Variants in SUMF1 observed in about 807,000 individuals in gnomAD.
SUMF1 encodes sulfatase modifying factor 1, also known as formylglycine-generating enzyme.
Under a neutral mutation model 47.6 loss-of-function variants are expected in SUMF1, and 48 were observed. The observed-to-expected ratio is 1.01, with a 90% CI of 0.80 to 1.28. The LOEUF (loss-of-function observed/expected upper bound fraction) is 1.28. SUMF1 is among the 50% of genes most tolerant of loss of function. The pLI is 0.00. For missense variants in SUMF1, 571 were observed against 485.4 expected (o/e 1.18, Z -1.66); for synonymous variants, 230 against 192.1 (o/e 1.20, Z -1.63).
rs546062909 is a variant in SUMF1 at position 4,215,986 on chromosome 3, A to G, written c.1015-147241T>C. Among the ~76,000 whole-genome samples the G allele has an allele frequency of 2.6e-5, 4 of 152,344 alleles. No homozygotes were observed. The East Asian group carries it at 7.7e-4, about 29-fold the overall frequency. On this transcript the variant is annotated intron_variant and NMD_transcript_variant, in intron 8 of 12. Coordinates refer to the SUMF1 transcript ENST00000448413. ...CTGCCCAAAGTAATTTATAGATTCAATGCTATCCCCATCAAGCTACCACTG... is the reference window on the plus strand; with the variant it reads ...CTGCCCAAAGTAATTTATAGATTCAGTGCTATCCCCATCAAGCTACCACTG...
intron 8 of SUMF1, among the ~76,000 whole-genome samples, chr3:4,175,855 G>C (rs1694948475): frequency 6.6e-6 from 1 of 151,958 alleles, no homozygotes; most frequent in Admixed American, 6.5e-5. Context: ...TGACCTGGTG[G>C]AGCTGAAAAC....
At chr3:4,194,466 C>G (rs1463032842) in intron 8 of SUMF1, among the ~76,000 whole-genome samples, 1 of 152,162 alleles carries the variant, frequency 6.6e-6, no homozygotes, top group Non-Finnish European at 1.5e-5. Context: ...AAGCCTACCC[C>G]TCAGGCAGGA....
chr3:4,154,156 G>C (rs1354130360), intron 8 of SUMF1, among the ~76,000 whole-genome samples: 2 of 151,584 alleles, frequency 1.3e-5, no homozygotes, highest in Non-Finnish European at 2.9e-5. Flanking sequence ...ACATGTGGTA[G>C]AATGTGTGGA....
At chr3:4,417,490 A>G (rs1701751847) in intron 5 of SUMF1, among the ~76,000 whole-genome samples, 1 of 152,176 alleles carries the variant, frequency 6.6e-6, no homozygotes, top group Admixed American at 6.5e-5. Context: ...AAATCACAAA[A>G]CTAAAAGAAG....
At chr3:4,386,033 G>A (rs1001210816) in intron 7 of SUMF1, among the ~76,000 whole-genome samples, 13 of 150,672 alleles carry the variant, frequency 8.6e-5, no homozygotes, top group African/African-American at 2.5e-4. Flanking sequence ...GATTACTGTA[G>A]CTAAGTAGTA....
At chr3:4,317,186 A>G (rs575772657) in intron 8 of SUMF1, 3 of 1,550,168 alleles carry the variant, frequency 1.9e-6, no homozygotes, top group Admixed American at 3.9e-5. Context: ...CTACAGGAAT[A>G]AACCAACTTA....
intron 9 of SUMF1, among the ~76,000 whole-genome samples, chr3:4,057,912 T>C (rs954886574): frequency 1.3e-5 from 2 of 152,136 alleles, no homozygotes; most frequent in South Asian, 4.1e-4. Context: ...TTTTTCTCTG[T>C]CTCTAATATA....
At chr3:4,342,458 A>T (rs794202) in intron 8 of SUMF1, among the ~76,000 whole-genome samples, 219 of 152,144 alleles carry the variant, frequency 1.4e-3, no homozygotes, top group Non-Finnish European at 2.1e-3. Context: ...GCTTGAACCC[A>T]GAAGACAAAG....
At chr3:4,374,010 A>G (rs1392991472) in intron 8 of SUMF1, among the ~76,000 whole-genome samples, 1 of 152,200 alleles carries the variant, frequency 6.6e-6, no homozygotes, top group African/African-American at 2.4e-5. Context: ...ACTCTAAAAA[A>G]TTAGCAATGG....
intron 6 of SUMF1, among the ~76,000 whole-genome samples, chr3:4,413,708 T>C (rs74731531): frequency 0.014 from 2,174 of 152,020 alleles, 42 homozygotes; most frequent in African/African-American, 0.047. Flanking sequence ...AGTCTCACTG[T>C]GGTCAAAATA....
In SUMF1 at chr3:4,034,596, A is replaced by T. The variant is rs527901698; in HGVS notation, c.1191+33973T>A. 7.2e-5 allele frequency among the ~76,000 whole-genome samples: 11 copies of T among 152,236 alleles called. No homozygotes were observed. In the South Asian group the frequency reaches 2.3e-3, roughly 32 times the overall value. ...TCTGCATTTGGTGATTCTCTCGCAA[A>T]TTCAAGTTTGAGAAACCCTTTGTAG... On this transcript the variant is annotated intron_variant and NMD_transcript_variant, in intron 9 of 12. Coordinates refer to the SUMF1 transcript ENST00000448413.
Position 4,371,855 on chromosome 3 carries a change from G to A in SUMF1, c.1014+4475C>T, listed in dbSNP as rs534778453. Among the ~76,000 whole-genome samples, 5 of 152,300 alleles carry A rather than the reference G, an allele frequency of 3.3e-5. No individual in the cohort carries two copies. In the East Asian group the frequency reaches 9.6e-4, roughly 29 times the overall value. Reference sequence around the variant, plus strand: ...TAAGGTCACATGGTTTATAAATGGTGGATCCAAGGTTCTAGCCTATTCAAT... The same window carrying A: ...TAAGGTCACATGGTTTATAAATGGTAGATCCAAGGTTCTAGCCTATTCAAT... On this transcript the variant is annotated intron_variant, in intron 8 of 8. Transcript: ENST00000272902.
intron 8 of SUMF1, among the ~76,000 whole-genome samples, chr3:4,212,462 A>C (rs13059730): frequency 0.34 from 51,106 of 152,058 alleles, 9,280 homozygotes; most frequent in Non-Finnish European, 0.42. Flanking sequence ...GGGAGAAACA[A>C]GCACAAAAAG....
intron 7 of SUMF1, among the ~76,000 whole-genome samples, chr3:4,397,176 A>T (rs1300466735): frequency 6.6e-6 from 1 of 152,224 alleles, no homozygotes; most frequent in Non-Finnish European, 1.5e-5. Context: ...GATGGATTAG[A>T]TCTAAATTAT....
intron 8 of SUMF1, among the ~76,000 whole-genome samples, chr3:4,145,500 C>G (rs1694173324): frequency 6.6e-6 from 1 of 152,072 alleles, no homozygotes; most frequent in African/African-American, 2.4e-5. Flanking sequence ...CTGGCCAAAC[C>G]AAATCTGCTT....
At chr3:4,254,788 G>C (rs1696904793) in intron 8 of SUMF1, among the ~76,000 whole-genome samples, 1 of 149,458 alleles carries the variant, frequency 6.7e-6, no homozygotes, top group Non-Finnish European at 1.5e-5. Flanking sequence ...TCCTCGAGAA[G>C]AGCAACTCCA....
chr3:4,077,115 C>T (rs1285078457), intron 8 of SUMF1, among the ~76,000 whole-genome samples: 1 of 152,124 alleles, frequency 6.6e-6, no homozygotes, highest in Non-Finnish European at 1.5e-5. Flanking sequence ...GATACCATCT[C>T]ACACCAGTTA....
chr3:4,172,242 C>T (rs1694847296), intron 8 of SUMF1, among the ~76,000 whole-genome samples: 1 of 152,108 alleles, frequency 6.6e-6, no homozygotes, highest in Non-Finnish European at 1.5e-5. Context: ...TTAAAGATGA[C>T]TCCCAGATTT....
chr3:4,083,232 G>A (rs1216799273), intron 8 of SUMF1, among the ~76,000 whole-genome samples: 9 of 152,086 alleles, frequency 5.9e-5, no homozygotes, highest in East Asian at 3.9e-4. Context: ...CTTTGTTGGC[G>A]GCTACACAAT....
Sources: gnomAD v4.1 joint callset for allele counts (sites outside exome capture counted in the v4.1 genomes callset) on GRCh38, gnomAD v4.1.1 for gene constraint, MANE v1.5 for transcripts, NCBI Gene and HGNC (gene_info 2026-07-23, HGNC 2026-07-21) for gene names.